ZNF133: variants seen among roughly 807,000 people sequenced by gnomAD.
The protein encoded by ZNF133 is zinc finger protein 133 (clone pHZ-13).
Under a neutral mutation model 54.9 loss-of-function variants are expected in ZNF133, and 26 were observed. The observed-to-expected ratio is 0.47, with a 90% CI of 0.35 to 0.66. ZNF133 has a LOEUF of 0.66. Ranked by LOEUF, ZNF133 falls within the 30% of genes least tolerant of loss-of-function variation. The pLI, the probability that ZNF133 is intolerant of heterozygous loss-of-function variation, is 0.01. For synonymous variants in ZNF133, 298 were observed against 320.3 expected (o/e 0.93, Z 0.74); for missense variants, 653 against 820.8 (o/e 0.80, Z 2.50).
At chr20:18,299,750 C>T (rs756213587) in intron 3 of ZNF133, among the ~76,000 whole-genome samples, 9 of 152,182 alleles carry the variant, frequency 5.9e-5, no homozygotes, top group Middle Eastern at 3.4e-3. Context: ...AAATTTCTTA[C>T]GAAAAACCTC....
chr20:18,305,789 A>G lies in ZNF133; in HGVS notation c.103A>G (p.Ser35Gly). The change falls in exon 5 of 7, where the codon AGC (serine) becomes GGC (glycine). Residue 35 changes from serine to glycine, a missense_variant. Ser to Gly is a moderately conservative substitution (Grantham distance 56). Transcript: ENST00000425686. The surrounding 1 kb of genome is among the most constrained non-coding windows in gnomAD (Gnocchi z 4.7). ...CAGAGAGGTGATGCTGGAGAACTACAGCAACCTGGTCTCACTGGGTAAGCC... is the reference window on the plus strand; with the variant it reads ...CAGAGAGGTGATGCTGGAGAACTACGGCAACCTGGTCTCACTGGGTAAGCC... ...LYREVMLENY[S>G]NLVSLGISFS... 6.2e-7 allele frequency: 1 copy of G among 1,613,832 alleles called. No individual in the cohort carries two copies. Among genetic ancestry groups the G allele is most frequent in the Non-Finnish European group, 8.5e-7 (1 of 1,179,836 alleles).
At chr20:18,314,046 G>A (rs756343106) in intron 6 of ZNF133, 1 of 152,240 alleles carries the variant, frequency 6.6e-6, no homozygotes, top group Non-Finnish European at 1.5e-5. Flanking sequence ...AGTTTGCTGA[G>A]TAGGAAGAGT....
chr20:18,302,829 A>G (rs2043687288), intron 3 of ZNF133, among the ~76,000 whole-genome samples: 1 of 152,244 alleles, frequency 6.6e-6, no homozygotes, highest in Non-Finnish European at 1.5e-5. Context: ...TAGTATATGA[A>G]GTCAACACAC....
chr20:18,308,314 G>A (rs1342072287), intron 6 of ZNF133, among the ~76,000 whole-genome samples: 2 of 152,056 alleles, frequency 1.3e-5, no homozygotes, highest in East Asian at 3.8e-4. Context: ...GATTAATTCT[G>A]TCTTCAAATT....
chr20:18,289,419 T>C (rs2040393162), intron 1 of ZNF133, among the ~76,000 whole-genome samples: 1 of 152,116 alleles, frequency 6.6e-6, no homozygotes, highest in Non-Finnish European at 1.5e-5. Flanking sequence ...ATAGACCAGA[T>C]CTCCATCACC....
chr20:18,307,826 G>T (rs1029271511), intron 6 of ZNF133, among the ~76,000 whole-genome samples: 2 of 152,112 alleles, frequency 1.3e-5, no homozygotes, highest in South Asian at 4.2e-4. Context: ...TTTCAGTTCT[G>T]CAATTTCCAT....
At position 18,316,653 on chromosome 20, in the gene ZNF133, C is replaced by T. The variant is rs766458219; in HGVS notation, c.1802C>T (p.Thr601Met). 53 of 1,614,014 alleles carry T rather than the reference C, an allele frequency of 3.3e-5. No homozygotes were observed. Among genetic ancestry groups the T allele is most frequent in the East Asian group, 2.0e-4 (9 of 44,882 alleles). The part of the protein sequence containing the change: ...SHLTLHQMTH[T>M]GEKPYVCKTC... ...CTCACCTTACATCAAATGACACATA[C>T]GGGGGAGAAGCCATATGTGTGCAAG... The change falls in exon 7 of 7, where the codon ACG (threonine) becomes ATG (methionine). Residue 601 changes from threonine (T) to methionine (M), a missense_variant. Around this residue, in one of 4 missense-constraint regions of ZNF133, gnomAD observed 129 missense variants for 138.5 expected, o/e 0.93. Transcript: ENST00000425686.
chr20:18,296,166 C>T (rs1232423401), intron 1 of ZNF133, among the ~76,000 whole-genome samples: 1 of 152,110 alleles, frequency 6.6e-6, no homozygotes, highest in African/African-American at 2.4e-5. Flanking sequence ...CCTCCTCTTT[C>T]TTCTCCCCCT....
rs2047647774 is a variant in ZNF133, at chr20:18,316,940, TCTC to T, written c.*126_*128del. ...TGTTTACTTTCTCCACACTAAGTCT[TCTC>T]CATGTTTTGTGGCCTTCGGTTGTAA... On this transcript the variant is annotated 3_prime_UTR_variant, in exon 7 of 7. Coordinates refer to ENST00000425686, the MANE Select transcript of ZNF133 (RefSeq NM_001352452.2). 8.0e-7 allele frequency: 1 copy of T among 1,246,404 alleles called. No homozygotes were observed. The allele number at this position is 1,246,404 out of a possible 1,614,324, so 77.2% of individuals were successfully genotyped here. A position where few individuals can be genotyped will look rare whatever the true frequency, so the allele number is the denominator to read the frequency against.
chr20:18,289,666 T>C (rs761459), intron 1 of ZNF133, among the ~76,000 whole-genome samples: 147,719 of 152,324 alleles, frequency 0.97, 71,654 homozygotes, highest in East Asian at 1. Context: ...GCATCTATCG[T>C]ATTGGGTTGT....
chr20:18,298,007 C>T lies in ZNF133; in HGVS notation c.-409C>T. 6.5e-7 allele frequency: 1 copy of T among 1,534,076 alleles called. No individual in the cohort carries two copies. Among genetic ancestry groups the T allele is most frequent in the Non-Finnish European group, 8.7e-7 (1 of 1,145,722 alleles). ...CAGATCTACCTTCTGAGATATCATC[C>T]TTCTTCAGGGAGATAAGGAAAAAAA... On this transcript the variant is annotated 5_prime_UTR_variant, in exon 2 of 7. Coordinates refer to ENST00000425686, the MANE Select transcript of ZNF133 (RefSeq NM_001352452.2).
At chr20:18,309,877 C>T (rs1385935819) in intron 6 of ZNF133, among the ~76,000 whole-genome samples, 2 of 152,102 alleles carry the variant, frequency 1.3e-5, no homozygotes, top group Admixed American at 1.3e-4. Flanking sequence ...ATCTTCCTCT[C>T]AAGGAACAAG....
At chr20:18,313,108 G>A (rs552137349) in intron 6 of ZNF133, 1 of 152,224 alleles carries the variant, frequency 6.6e-6, no homozygotes, top group South Asian at 2.1e-4. Flanking sequence ...GAGCACCTTA[G>A]ATTTAAAATA....
chr20:18,298,441 C>T lies in ZNF133; in HGVS notation c.-201C>T, dbSNP rs2042670784. ...GGAGTCTAGTTGAAGGCCTCCAGTT[C>T]CCAGGGGGAAGGAAGCATGGAGGGT... On this transcript the variant is annotated 5_prime_UTR_variant, in exon 3 of 7. Transcript: ENST00000425686. 3.2e-6 allele frequency: 2 copies of T among 620,336 alleles called. No homozygotes were observed. Among genetic ancestry groups the T allele is most frequent in the South Asian group, 5.4e-5 (1 of 18,506 alleles). The allele number at this position is 620,336 out of a possible 1,614,324, so 38.4% of individuals were successfully genotyped here.
chr20:18,314,954 C>T, intron 6 of ZNF133, 115 bp from the exon 7 acceptor site: 1 of 1,009,734 alleles, frequency 9.9e-7, no homozygotes, highest in East Asian at 2.5e-5. Context: ...AAAGGAAGTC[C>T]CGGTTGGATG....
At chr20:18,309,696 A>G (rs1391751119) in intron 6 of ZNF133, among the ~76,000 whole-genome samples, 1 of 152,222 alleles carries the variant, frequency 6.6e-6, no homozygotes, top group Admixed American at 6.5e-5. Flanking sequence ...GTAGGTGATC[A>G]AATATTCAGG....
In ZNF133 at chr20:18,316,303, C is replaced by T. The variant is rs767075470; in HGVS notation, c.1452C>T (p.His484=). 1.9e-6 allele frequency: 3 copies of T among 1,613,816 alleles called. No individual in the cohort carries two copies. In the South Asian group the frequency reaches 3.3e-5, roughly 18 times the overall value. Residue 484 remains histidine, a synonymous_variant, in exon 7 of 7, where the codon CAC becomes CAT. Coordinates refer to ENST00000425686, the MANE Select transcript of ZNF133 (RefSeq NM_001352452.2). ...GFSQQSNLIR[H]QRTHSGEKPM... ...GCCAGCAATCCAACCTCATCAGACA[C>T]CAGAGGACGCACTCAGGCGAGAAGC...
intron 6 of ZNF133, among the ~76,000 whole-genome samples, chr20:18,312,323 T>C (rs1216707796): frequency 1.3e-5 from 2 of 152,246 alleles, no homozygotes; most frequent in Admixed American, 6.5e-5. Context: ...TATATTAGTC[T>C]TGGAAGTTTA....
chr20:18,310,382 C>G, intron 6 of ZNF133: 1 of 1,404,242 alleles, frequency 7.1e-7, no homozygotes, highest in Non-Finnish European at 9.3e-7. Context: ...TCAGAATCCT[C>G]AAAATAGGCT....
Sources: allele counts gnomAD v4.1 joint callset (sites outside exome capture counted in the v4.1 genomes callset), GRCh38; gene constraint gnomAD v4.1.1; regional missense constraint gnomAD v4.1.1; non-coding constraint Gnocchi (gnomAD v3.1); transcripts MANE v1.5; gene names NCBI Gene and HGNC (gene_info 2026-07-23, HGNC 2026-07-21).